The following PRKN variants were observed in gnomAD, a reference collection of about 807,000 sequenced individuals.
The protein encoded by PRKN is E3 ubiquitin-protein ligase parkin.
PRKN carries 56 observed loss-of-function variants against 59.5 expected under a neutral mutation model. That is an observed-to-expected ratio of 0.94 (90% confidence interval 0.76 to 1.18). PRKN has a LOEUF of 1.18. Among genes scored for constraint, PRKN ranks in the 50% most tolerant of loss-of-function variants. PRKN has a pLI of 0.00. For synonymous variants in PRKN, 250 were observed against 222.1 expected (o/e 1.13, Z -1.12); for missense variants, 657 against 596.4 (o/e 1.10, Z -1.06).
intron 4 of PRKN, among the ~76,000 whole-genome samples, chr6:162,117,675 G>T (rs1363758372): frequency 2.6e-5 from 4 of 152,210 alleles, no homozygotes; most frequent in Non-Finnish European, 5.9e-5. Context: ...ACAGCCTCAA[G>T]ATGGAATCCC....
chr6:162,433,321 C>A (rs1789624335), intron 2 of PRKN, among the ~76,000 whole-genome samples: 1 of 151,994 alleles, frequency 6.6e-6, no homozygotes. Context: ...CTTGTCCTTC[C>A]CAGAGAGTCT....
At chr6:161,957,722 C>T (rs1332247422) in intron 6 of PRKN, among the ~76,000 whole-genome samples, 1 of 152,152 alleles carries the variant, frequency 6.6e-6, no homozygotes, top group East Asian at 1.9e-4. Context: ...CGCGCCCAGC[C>T]CATGTCTTCT....
intron 2 of PRKN, among the ~76,000 whole-genome samples, chr6:162,363,098 A>G (rs1785232457): frequency 6.9e-6 from 1 of 144,960 alleles, no homozygotes; most frequent in Admixed American, 7.1e-5. Context: ...ACTGCACTCC[A>G]GCCTGGGTGA....
In PRKN at chr6:161,588,054, C is replaced by A. The variant is rs1781580842; in HGVS notation, c.872-18638G>T. On this transcript the variant is annotated intron_variant, in intron 7 of 11. Coordinates refer to ENST00000366898, the MANE Select transcript of PRKN (RefSeq NM_004562.3). This position sits in a 1 kb window ranked among gnomAD's most constrained non-coding sequence, Gnocchi z 5.0. Reference sequence around the variant, plus strand: ...AAATATTCTATAAGCATTAATAAGACCATGTCAATAGAGCGTTAATTATTA... The same window carrying A: ...AAATATTCTATAAGCATTAATAAGAACATGTCAATAGAGCGTTAATTATTA... Among the ~76,000 whole-genome samples the A allele has an allele frequency of 6.6e-6, 1 of 152,122 alleles. No individual in the cohort carries two copies. The highest frequency in any genetic ancestry group is 1.5e-5 in the Non-Finnish European group (1 of 68,030).
At chr6:161,931,894 G>A (rs1278986799) in intron 6 of PRKN, among the ~76,000 whole-genome samples, 1 of 152,130 alleles carries the variant, frequency 6.6e-6, no homozygotes, top group Non-Finnish European at 1.5e-5. Context: ...AGAATAAAAT[G>A]ATTTAATTTC....
intron 9 of PRKN, among the ~76,000 whole-genome samples, chr6:161,404,421 C>G (rs1787175955): frequency 6.6e-6 from 1 of 152,186 alleles, no homozygotes; most frequent in South Asian, 2.1e-4. Flanking sequence ...CCAAATTCCA[C>G]AGCCCCAGTG....
intron 2 of PRKN, among the ~76,000 whole-genome samples, chr6:162,315,952 G>A (rs1269658340): frequency 6.6e-6 from 1 of 151,900 alleles, no homozygotes; most frequent in Non-Finnish European, 1.5e-5. Context: ...GGTCTTCAGA[G>A]CTAGAAAGGA....
At chr6:162,529,913 C>T (rs1017611534) in intron 1 of PRKN, among the ~76,000 whole-genome samples, 6 of 151,994 alleles carry the variant, frequency 3.9e-5, no homozygotes, top group Non-Finnish European at 7.4e-5. Flanking sequence ...GCAGATCACC[C>T]GAGGTCGGGA....
chr6:162,313,030 C>T (rs1351090947), intron 2 of PRKN, among the ~76,000 whole-genome samples: 1 of 151,926 alleles, frequency 6.6e-6, no homozygotes, highest in African/African-American at 2.4e-5. Context: ...TGCTCTCAGG[C>T]CAAAGAAAGA....
chr6:162,336,980 T>C (rs1157591598), intron 2 of PRKN, among the ~76,000 whole-genome samples: 1 of 152,222 alleles, frequency 6.6e-6, no homozygotes, highest in Admixed American at 6.5e-5. Context: ...TTGAGACTGC[T>C]AAGGACTCGG....
At chr6:162,648,861 G>C (rs187257780) in intron 1 of PRKN, among the ~76,000 whole-genome samples, 4 of 152,134 alleles carry the variant, frequency 2.6e-5, no homozygotes, top group Admixed American at 2.0e-4. Context: ...GAGGTATTTT[G>C]TAGACATAAT....
rs1009054586 is a variant in PRKN at position 161,530,042 on chromosome 6, A to G, written c.1083+18812T>C. On this transcript the variant is annotated intron_variant, in intron 9 of 11. Transcript: ENST00000366898. This position sits in a 1 kb window ranked among gnomAD's most constrained non-coding sequence, Gnocchi z 5.0. Reference sequence around the variant, plus strand: ...TACTTAAGAAGCATTTAAAAAAAAAACCCTCATTCATTTCACACCACTCTG... The same window carrying G: ...TACTTAAGAAGCATTTAAAAAAAAAGCCCTCATTCATTTCACACCACTCTG... 6.6e-6 allele frequency among the ~76,000 whole-genome samples: 1 copy of G among 151,780 alleles called. No homozygotes were observed. The highest frequency in any genetic ancestry group is 2.1e-4 in the South Asian group (1 of 4,804).
chr6:162,189,082 T>C (rs896641401), intron 4 of PRKN, among the ~76,000 whole-genome samples: 2 of 151,834 alleles, frequency 1.3e-5, no homozygotes, highest in East Asian at 2.0e-4. Context: ...TTACCTTCTA[T>C]AGGAGGGAAT....
chr6:162,289,665 C>G (rs1781338636), intron 2 of PRKN, among the ~76,000 whole-genome samples: 1 of 148,738 alleles, frequency 6.7e-6, no homozygotes, highest in Admixed American at 6.8e-5. Flanking sequence ...CTAGCCTCAG[C>G]CAACAGAGCG....
chr6:161,402,367 C>T lies in PRKN; in HGVS notation c.1084-15490G>A, dbSNP rs1033371138. ...CTTTGCTAAGGACATAGAAAGCAAACTAATTAAATGACAGCTAAAGAGCAA... is the reference window on the plus strand; with the variant it reads ...CTTTGCTAAGGACATAGAAAGCAAATTAATTAAATGACAGCTAAAGAGCAA... On this transcript the variant is annotated intron_variant, in intron 9 of 11. Transcript: ENST00000366898. This position sits in a 1 kb window ranked among gnomAD's most constrained non-coding sequence, Gnocchi z 4.5. Among the ~76,000 whole-genome samples the T allele has an allele frequency of 2.6e-5, 4 of 152,156 alleles. No homozygotes were observed. The highest frequency in any genetic ancestry group is 7.2e-5 in the African/African-American group (3 of 41,422).
At chr6:162,568,755 G>T in intron 1 of PRKN, 1 of 747,400 alleles carries the variant, frequency 1.3e-6, no homozygotes, top group South Asian at 1.3e-5. Context: ...CAACCCTAGG[G>T]GGCAGCCGGA....
At chr6:162,472,971 T>G (rs1172585466) in intron 1 of PRKN, among the ~76,000 whole-genome samples, 1 of 151,770 alleles carries the variant, frequency 6.6e-6, no homozygotes, top group Non-Finnish European at 1.5e-5. Context: ...GCCATGGTTA[T>G]TCAATTAAGG....
chr6:162,640,914 TG>T (rs1240000988), intron 1 of PRKN, among the ~76,000 whole-genome samples: 3 of 152,126 alleles, frequency 2.0e-5, no homozygotes, highest in Non-Finnish European at 2.9e-5. Context: ...TCTTGCTTGA[TG>T]GTAAGACTCA....
chr6:161,743,088 A>G lies in PRKN; in HGVS notation c.871+42684T>C, dbSNP rs557868159. On this transcript the variant is annotated intron_variant, in intron 7 of 11. Coordinates refer to ENST00000366898, the MANE Select transcript of PRKN (RefSeq NM_004562.3). ...TCCCTAAGTTTCAACTTATTGGCTG[A>G]AATGAATTTTTTTTTCCCCACAGAT... Among the ~76,000 whole-genome samples the G allele has an allele frequency of 2.6e-5, 4 of 152,258 alleles. No homozygotes were observed. The South Asian group carries it at 8.3e-4, about 32-fold the overall frequency.
Sources: allele counts gnomAD v4.1 joint callset (sites outside exome capture counted in the v4.1 genomes callset), GRCh38; gene constraint gnomAD v4.1.1; non-coding constraint Gnocchi (gnomAD v3.1); transcripts MANE v1.5; gene names NCBI Gene and HGNC (gene_info 2026-07-23, HGNC 2026-07-21).